HFM1: variants seen among roughly 807,000 people sequenced by gnomAD.
HFM1 encodes helicase for meiosis 1.
Under a neutral mutation model 192.1 loss-of-function variants are expected in HFM1, and 169 were observed. The ratio of observed to expected loss-of-function variants is 0.88; its 90% CI spans 0.78 to 1.00. HFM1 has a LOEUF of 1.00. Among genes scored for constraint, HFM1 ranks in the 50% least tolerant of loss-of-function variants. The pLI, the probability that HFM1 is intolerant of heterozygous loss-of-function variation, is 0.00. For missense variants in HFM1, 1,661 were observed against 1,668.0 expected, an observed-to-expected ratio of 1.00 and a Z score of 0.07; for synonymous variants, 525 against 537.8, an observed-to-expected ratio of 0.98 and a Z score of 0.33.
chr1:91,352,936 T>C, intron 15 of HFM1, 115 bp downstream of exon 15: 2 of 691,996 alleles, frequency 2.9e-6, no homozygotes, highest in Non-Finnish European at 4.9e-6. Context: ...CTTAATTTTA[T>C]ATTCTCAGAA....
intron 30 of HFM1, among the ~76,000 whole-genome samples, chr1:91,296,994 A>C (rs908535550): frequency 6.6e-6 from 1 of 152,254 alleles, no homozygotes; most frequent in African/African-American, 2.4e-5. Context: ...AGGGCGAGGC[A>C]TCGCCTCACC....
At chr1:91,407,315 C>T (rs1229625150), upstream of HFM1, among the ~76,000 whole-genome samples, 1 of 151,934 alleles carries the variant, frequency 6.6e-6, no homozygotes, top group African/African-American at 2.4e-5. Context: ...ATGTAACAAA[C>T]CTGCACGTTG....
intron 30 of HFM1, among the ~76,000 whole-genome samples, chr1:91,287,951 G>A (rs1668216485): frequency 1.3e-5 from 2 of 151,996 alleles, no homozygotes; most frequent in Non-Finnish European, 2.9e-5. Context: ...AGCGAGAAGG[G>A]AAGTTTAGAG....
intron 23 of HFM1, among the ~76,000 whole-genome samples, chr1:91,322,266 A>G (rs1357681438): frequency 6.6e-6 from 1 of 152,232 alleles, no homozygotes; most frequent in Non-Finnish European, 1.5e-5. Context: ...AGAATCCCAA[A>G]GAAAGAATGG....
At chr1:91,373,647 A>C (rs991515010) in intron 13 of HFM1, among the ~76,000 whole-genome samples, 1 of 150,876 alleles carries the variant, frequency 6.6e-6, no homozygotes, top group Non-Finnish European at 1.5e-5. Flanking sequence ...AGTGTATGGT[A>C]CCCCCCGACC....
intron 1 of HFM1, 166 bp downstream of exon 1, chr1:91,404,632 G>A (rs1021073474): frequency 3.0e-5 from 8 of 263,062 alleles, no homozygotes; most frequent in Non-Finnish European, 3.0e-5. Context: ...CGGCGGCCTG[G>A]AGACGCCTGG....
At position 91,385,237 on chromosome 1, in the gene HFM1, G is replaced by T. The variant is rs539718839; in HGVS notation, c.755-3C>A. The T allele has an allele frequency of 4.1e-6, 6 of 1,478,840 alleles. No individual in the cohort carries two copies. The highest frequency in any genetic ancestry group is 4.6e-6 in the Non-Finnish European group (5 of 1,078,472). 91.6% of individuals were successfully genotyped at this position (1,478,840 alleles called of 1,614,324 possible). On this transcript the variant is annotated splice_region_variant and splice_polypyrimidine_tract_variant and intron_variant, in intron 5 of 38. Transcript: ENST00000370425. ...ACCTAAACCATTTTCTGTTACCTCT[G>T]AAAAAAAAATGCTACATATTTATAT... is the stretch of plus-strand genomic sequence containing the variant.
chr1:91,278,846 C>A (rs1219652870), intron 30 of HFM1, among the ~76,000 whole-genome samples: 2 of 151,962 alleles, frequency 1.3e-5, no homozygotes, highest in Non-Finnish European at 2.9e-5. Flanking sequence ...AATATAAATA[C>A]CCAGATAAGG....
chr1:91,360,284 T>C (rs560956954), intron 13 of HFM1, among the ~76,000 whole-genome samples: 23 of 152,304 alleles, frequency 1.5e-4, no homozygotes, highest in Middle Eastern at 6.8e-3. Flanking sequence ...CCCACTGGTA[T>C]GCAGTCTTCA....
chr1:91,401,072 G>T lies in HFM1; in HGVS notation c.11C>A (p.Ser4Ter), dbSNP rs376463557. The change falls in exon 2 of 39, where the codon TCA becomes TAA. Residue 4 changes from serine to a stop codon, truncating the protein, a stop_gained. Transcript: ENST00000370425. LOFTEE classifies it high-confidence loss of function. MLK[S>*]NDCLFSLENL... is the part of the protein sequence containing the mutation. The stretch of plus-strand genomic sequence containing the variant: ...TTCCAAAGAAAACAGGCAATCATTT[G>T]ATTTCAGCATTGTTGAAAACTGGAC... 32 of 1,549,194 alleles carry T rather than the reference G, an allele frequency of 2.1e-5. No individual in the cohort carries two copies. In the African/African-American group the frequency reaches 4.5e-4, roughly 22 times the overall value.
chr1:91,317,444 C>G (rs1014467822), intron 25 of HFM1, among the ~76,000 whole-genome samples: 1 of 151,974 alleles, frequency 6.6e-6, no homozygotes, highest in African/African-American at 2.4e-5. Context: ...CAAAAAAAAT[C>G]AAGTTCATTT....
chr1:91,279,154 T>C (rs1667233299), intron 30 of HFM1, among the ~76,000 whole-genome samples: 2 of 152,194 alleles, frequency 1.3e-5, no homozygotes, highest in Non-Finnish European at 2.9e-5. Flanking sequence ...TGAAATCCTA[T>C]AATAAGATTC....
chr1:91,363,728 A>G (rs1166708932), intron 13 of HFM1, among the ~76,000 whole-genome samples: 4 of 152,226 alleles, frequency 2.6e-5, no homozygotes, highest in Non-Finnish European at 5.9e-5. Flanking sequence ...ATAAGGATAC[A>G]TGAACACATA....
intron 30 of HFM1, among the ~76,000 whole-genome samples, chr1:91,308,450 A>G (rs1317430732): frequency 1.3e-5 from 2 of 152,098 alleles, no homozygotes; most frequent in East Asian, 3.8e-4. Context: ...ATAGATTTTA[A>G]TTATCTGGTA....
rs752695113 is a variant in HFM1, at chr1:91,323,160, G to C, written c.2467C>G (p.Gln823Glu). 3.8e-6 allele frequency: 6 copies of C among 1,591,646 alleles called. No homozygotes were observed. Among genetic ancestry groups the C allele is most frequent in the African/African-American group, 2.7e-5 (2 of 74,420 alleles). The change falls in exon 22 of 39, where the codon CAG (glutamine) becomes GAG (glutamate). Residue 823 changes from glutamine to glutamate, a missense_variant. Physicochemically the swap from Gln to Glu is conservative, Grantham distance 29. Coordinates refer to ENST00000370425, the MANE Select transcript of HFM1 (RefSeq NM_001017975.6). ...IAGCKEFLDI[Q>E]LRINEKKTLN... ...GTTTTCTTTTCATTTATCCTTAACT[G>C]TATATCTAGAAATTCCTTGCAGCCA... is the stretch of plus-strand genomic sequence containing the variant.
chr1:91,318,395 A>T (rs1651576194), intron 25 of HFM1, among the ~76,000 whole-genome samples: 1 of 152,228 alleles, frequency 6.6e-6, no homozygotes, highest in Non-Finnish European at 1.5e-5. Flanking sequence ...CAAGATGCAT[A>T]CAAAATTGTA....
rs1379482369 is a variant in HFM1, at chr1:91,260,866, GAAT to G, written c.*421_*423del. On this transcript the variant is annotated 3_prime_UTR_variant, in exon 39 of 39. Coordinates refer to ENST00000370425, the MANE Select transcript of HFM1 (RefSeq NM_001017975.6). ...ATCTTTAGTAAAACAAAATACATGG[GAAT>G]AATATTAGTGATTAATCCATACAAT... 6.6e-6 allele frequency: 1 copy of G among 152,136 alleles called. No individual in the cohort carries two copies. Among genetic ancestry groups the G allele is most frequent in the Non-Finnish European group, 1.5e-5 (1 of 68,086 alleles). 9.4% of individuals were successfully genotyped at this position (152,136 alleles called of 1,614,324 possible).
intron 30 of HFM1, among the ~76,000 whole-genome samples, chr1:91,300,901 T>C (rs1286235909): frequency 6.6e-6 from 1 of 151,994 alleles, no homozygotes; most frequent in Non-Finnish European, 1.5e-5. Context: ...CTCTCACCAC[T>C]CCTATTCAAC....
chr1:91,395,657 T>C (rs1220730665), intron 3 of HFM1, among the ~76,000 whole-genome samples: 1 of 151,988 alleles, frequency 6.6e-6, no homozygotes, highest in Non-Finnish European at 1.5e-5. Flanking sequence ...TGACTTTCAT[T>C]TTATTTCATT....
Sources: gnomAD v4.1 joint callset for allele counts (sites outside exome capture counted in the v4.1 genomes callset) on GRCh38, gnomAD v4.1.1 for gene constraint, MANE v1.5 for transcripts, NCBI Gene and HGNC (gene_info 2026-07-23, HGNC 2026-07-21) for gene names.